MACROD2: variants seen among roughly 807,000 people sequenced by gnomAD.
The protein encoded by MACROD2 is ADP-ribose glycohydrolase MACROD2.
In MACROD2, 36 loss-of-function variants were observed where a neutral mutation model predicts 70.4. The ratio of observed to expected loss-of-function variants is 0.51; its 90% CI spans 0.39 to 0.68. The LOEUF (loss-of-function observed/expected upper bound fraction) is 0.68. Among genes scored for constraint, MACROD2 ranks in the 30% least tolerant of loss-of-function variants. The probability of loss-of-function intolerance (pLI) is 0.00; values close to 1 mark genes in which losing one functional copy is unlikely to be tolerated. For synonymous variants in MACROD2, 172 were observed against 178.8 expected (o/e 0.96, Z 0.30); for missense variants, 496 against 538.4 (o/e 0.92, Z 0.78).
At chr20:14,142,543 C>A (rs2054890281) in intron 3 of MACROD2, among the ~76,000 whole-genome samples, 1 of 152,176 alleles carries the variant, frequency 6.6e-6, no homozygotes, top group Non-Finnish European at 1.5e-5. Flanking sequence ...GATGCCCGAG[C>A]TGTATGTTGT....
At chr20:14,604,506 T>C (rs945394633) in intron 4 of MACROD2, among the ~76,000 whole-genome samples, 3 of 152,188 alleles carry the variant, frequency 2.0e-5, no homozygotes, top group African/African-American at 7.2e-5. Flanking sequence ...TAGGATAGCA[T>C]TGTGGCAGGT....
At chr20:15,780,195 G>T (rs1021635524) in intron 8 of MACROD2, among the ~76,000 whole-genome samples, 11 of 152,012 alleles carry the variant, frequency 7.2e-5, no homozygotes, top group South Asian at 2.1e-4. Flanking sequence ...ATATAGTTTA[G>T]TGGGAAAGAC....
At chr20:15,416,902 C>CA (rs140768856) in intron 6 of MACROD2, among the ~76,000 whole-genome samples, 2,947 of 146,642 alleles carry the variant, frequency 0.02, 101 homozygotes, top group African/African-American at 0.066. Context: ...GACTCCGTCT[C>CA]AAAAAAAAAA....
chr20:14,639,224 C>A lies in MACROD2; in HGVS notation c.302-45619C>A, dbSNP rs973907591. ...TTTTAGTGTAGTCTAAGGTAACCCT[C>A]TCCTTTCTTTTTTTCCTGTTATGAG... On this transcript the variant is annotated intron_variant, in intron 4 of 17. Coordinates refer to ENST00000684519, the MANE Select transcript of MACROD2 (RefSeq NM_001351661.2). 5.3e-5 allele frequency among the ~76,000 whole-genome samples: 8 copies of A among 151,982 alleles called. 1 individual carries two copies. Among genetic ancestry groups the A allele is most frequent in the Non-Finnish European group, 5.9e-5 (4 of 68,014 alleles).
At chr20:14,000,958 A>G (rs562556379) in intron 1 of MACROD2, among the ~76,000 whole-genome samples, 27 of 152,270 alleles carry the variant, frequency 1.8e-4, no homozygotes, top group African/African-American at 6.0e-4. Context: ...TATAGTATTC[A>G]TACCTCCTTT....
At chr20:15,898,960 A>G (rs775735585) in intron 10 of MACROD2, among the ~76,000 whole-genome samples, 2 of 151,944 alleles carry the variant, frequency 1.3e-5, no homozygotes, top group African/African-American at 2.4e-5. Context: ...ATATATGTAT[A>G]CACATACCTA....
chr20:15,658,202 G>C (rs898726508), intron 8 of MACROD2, among the ~76,000 whole-genome samples: 3 of 148,260 alleles, frequency 2.0e-5, no homozygotes, highest in Non-Finnish European at 3.0e-5. Flanking sequence ...CAAAACAAAA[G>C]CTTTTTTCTT....
intron 6 of MACROD2, among the ~76,000 whole-genome samples, chr20:15,379,014 T>G (rs1351677425): frequency 6.6e-6 from 1 of 152,212 alleles, no homozygotes; most frequent in Non-Finnish European, 1.5e-5. Flanking sequence ...AGGAAAGCAT[T>G]AAAGGAAACC....
intron 8 of MACROD2, among the ~76,000 whole-genome samples, chr20:15,620,572 G>A (rs1379752866): frequency 2.0e-5 from 3 of 152,154 alleles, no homozygotes; most frequent in Non-Finnish European, 2.9e-5. Context: ...TGCAATGACT[G>A]CTGCTTATTA....
At chr20:15,126,495 T>C (rs1389264392) in intron 5 of MACROD2, among the ~76,000 whole-genome samples, 1 of 152,042 alleles carries the variant, frequency 6.6e-6, no homozygotes, top group Non-Finnish European at 1.5e-5. Flanking sequence ...AAAATTTGCA[T>C]TTTTATCAAA....
At chr20:15,360,957 C>T (rs188217121) in intron 6 of MACROD2, among the ~76,000 whole-genome samples, 25 of 151,368 alleles carry the variant, frequency 1.7e-4, no homozygotes, top group East Asian at 7.7e-4. Flanking sequence ...TACTAGATAT[C>T]GGACCTTTGT....
chr20:14,047,454 CA>C (rs11479438), intron 2 of MACROD2, among the ~76,000 whole-genome samples: 39,439 of 98,560 alleles, frequency 0.4, 4,371 homozygotes, highest in Admixed American at 0.5. Flanking sequence ...GACTCCGTCT[CA>C]AAAAAAAAAA....
At chr20:14,505,522 C>G (rs1463489746) in intron 4 of MACROD2, among the ~76,000 whole-genome samples, 1 of 152,158 alleles carries the variant, frequency 6.6e-6, no homozygotes, top group East Asian at 1.9e-4. Flanking sequence ...TGTCTCTTTT[C>G]CCTTGAACAG....
At chr20:14,528,555 A>C (rs1008590008) in intron 4 of MACROD2, among the ~76,000 whole-genome samples, 4 of 151,786 alleles carry the variant, frequency 2.6e-5, no homozygotes, top group African/African-American at 9.7e-5. Flanking sequence ...ACTTTTAGCC[A>C]CCTGAACTGC....
At chr20:14,847,106 G>C (rs1270981059) in intron 5 of MACROD2, among the ~76,000 whole-genome samples, 2 of 151,856 alleles carry the variant, frequency 1.3e-5, no homozygotes, top group Admixed American at 6.6e-5. Context: ...AAAAGTACTA[G>C]TGTATCTTTT....
chr20:15,457,897 A>T (rs77579431), intron 7 of MACROD2, among the ~76,000 whole-genome samples: 2,264 of 151,428 alleles, frequency 0.015, 55 homozygotes, highest in African/African-American at 0.051. Context: ...CTTCCATAAA[A>T]TGGAGATAAC....
At chr20:15,041,667 C>A (rs1368944418) in intron 5 of MACROD2, among the ~76,000 whole-genome samples, 1 of 152,112 alleles carries the variant, frequency 6.6e-6, no homozygotes, top group Non-Finnish European at 1.5e-5. Context: ...TGGTCTCAAG[C>A]TCCTGGGCTC....
intron 2 of MACROD2, among the ~76,000 whole-genome samples, chr20:14,054,743 T>G (rs2053612920): frequency 6.6e-6 from 1 of 152,112 alleles, no homozygotes; most frequent in East Asian, 1.9e-4. Flanking sequence ...TCCTTCAGAT[T>G]TGGTAAAGAA....
chr20:15,763,680 TAAAAA>T, intron 8 of MACROD2, among the ~76,000 whole-genome samples: 1 of 150,558 alleles, frequency 6.6e-6, no homozygotes, highest in East Asian at 2.0e-4. Flanking sequence ...AATCTTGCCT[TAAAAA>T]AAAAACACAG....
Sources: allele counts gnomAD v4.1 joint callset (sites outside exome capture counted in the v4.1 genomes callset), GRCh38; gene constraint gnomAD v4.1.1; transcripts MANE v1.5; gene names NCBI Gene and HGNC (gene_info 2026-07-23, HGNC 2026-07-21).